The following SGCZ variants were observed in gnomAD, a reference collection of about 807,000 sequenced individuals.
The protein encoded by SGCZ is zeta-sarcoglycan.
SGCZ carries 40 observed loss-of-function variants against 41.3 expected under a neutral mutation model. The observed-to-expected ratio is 0.97, with a 90% confidence interval of 0.75 to 1.26. The LOEUF (loss-of-function observed/expected upper bound fraction) is 1.26, where lower values mean the gene tolerates loss of function less well. Among genes scored for constraint, SGCZ ranks in the 50% most tolerant of loss-of-function variants. The probability of loss-of-function intolerance (pLI) is 0.00; values close to 1 mark genes in which losing one functional copy is unlikely to be tolerated. For synonymous variants in SGCZ, 206 were observed against 137.5 expected, an observed-to-expected ratio of 1.50 and a Z score of -3.49; for missense variants, 552 against 369.8, an observed-to-expected ratio of 1.49 and a Z score of -4.04.
At chr8:14,494,507 A>C (rs73527197) in intron 2 of SGCZ, among the ~76,000 whole-genome samples, 2,626 of 152,274 alleles carry the variant, frequency 0.017, 75 homozygotes, top group African/African-American at 0.06. Context: ...AGCTGAATAC[A>C]TACACACATG....
intron 1 of SGCZ, among the ~76,000 whole-genome samples, chr8:14,651,577 G>A (rs535233022): frequency 7.9e-5 from 12 of 151,912 alleles, no homozygotes; most frequent in South Asian, 4.2e-4. Flanking sequence ...TCTTCACTAC[G>A]CACACTCACT....
chr8:14,691,684 A>G (rs997992519), intron 1 of SGCZ, among the ~76,000 whole-genome samples: 6 of 152,116 alleles, frequency 3.9e-5, no homozygotes, highest in Non-Finnish European at 8.8e-5. Context: ...CATAGATGTA[A>G]GAATATGAGT....
In SGCZ at chr8:14,126,533, G is replaced by A. The variant is rs1016099326; in HGVS notation, c.548-18298C>T. Among the ~76,000 whole-genome samples the A allele has an allele frequency of 5.9e-5, 9 of 152,316 alleles. No individual in the cohort carries two copies. The East Asian group carries it at 1.7e-3, about 29-fold the overall frequency. On this transcript the variant is annotated intron_variant, in intron 5 of 7. Coordinates refer to ENST00000382080, the MANE Select transcript of SGCZ (RefSeq NM_139167.4). The stretch of plus-strand genomic sequence containing the variant: ...GGAGAAATAGGAATACTTTTCCACT[G>A]TTGGGAATGAAAATTAGTGTAACAA...
intron 1 of SGCZ, among the ~76,000 whole-genome samples, chr8:15,120,886 T>C (rs1807453747): frequency 6.6e-6 from 1 of 152,178 alleles, no homozygotes; most frequent in South Asian, 2.1e-4. Flanking sequence ...GTGGTAGCTA[T>C]CAGCCCCGGG....
chr8:14,478,755 C>T (rs374571217), intron 2 of SGCZ, among the ~76,000 whole-genome samples: 10 of 152,264 alleles, frequency 6.6e-5, no homozygotes, highest in East Asian at 3.9e-4. Context: ...TTCCCTGCTC[C>T]ATTCACTATC....
At chr8:14,996,933 G>T (rs1012592943) in intron 1 of SGCZ, among the ~76,000 whole-genome samples, 14 of 152,166 alleles carry the variant, frequency 9.2e-5, no homozygotes, top group Admixed American at 3.3e-4. Context: ...TTATTCGTGG[G>T]TTAATAGAGG....
At chr8:15,083,041 A>G (rs906535763) in intron 1 of SGCZ, among the ~76,000 whole-genome samples, 12 of 152,106 alleles carry the variant, frequency 7.9e-5, no homozygotes, top group Admixed American at 5.2e-4. Context: ...ATGCTCATGT[A>G]TCTATAGCTT....
chr8:14,670,315 C>T (rs1273882987), intron 1 of SGCZ, among the ~76,000 whole-genome samples: 4 of 34,464 alleles, frequency 1.2e-4, no homozygotes, highest in Admixed American at 4.4e-4. Flanking sequence ...TTTACTATTC[C>T]CCCCCAAATC....
At chr8:14,543,598 G>A (rs1340847574) in intron 2 of SGCZ, among the ~76,000 whole-genome samples, 2 of 152,056 alleles carry the variant, frequency 1.3e-5, no homozygotes, top group Non-Finnish European at 2.9e-5. Context: ...AATTTCTCAA[G>A]GCCATCTTTA....
chr8:14,233,291 T>C (rs962011712), intron 4 of SGCZ, among the ~76,000 whole-genome samples: 2 of 151,918 alleles, frequency 1.3e-5, no homozygotes, highest in Non-Finnish European at 2.9e-5. Flanking sequence ...GAAAAAGCAA[T>C]ATATAGCTTA....
intron 4 of SGCZ, among the ~76,000 whole-genome samples, chr8:14,204,165 G>A (rs1411309496): frequency 2.6e-5 from 4 of 152,022 alleles, no homozygotes; most frequent in Non-Finnish European, 5.9e-5. Context: ...CAACAGTGTG[G>A]TTTGGGAAAA....
At chr8:14,581,291 G>A (rs1407067077) in intron 1 of SGCZ, among the ~76,000 whole-genome samples, 1 of 151,982 alleles carries the variant, frequency 6.6e-6, no homozygotes, top group Non-Finnish European at 1.5e-5. Flanking sequence ...TATTTTTATA[G>A]ATACGGGGTT....
chr8:14,256,396 G>A (rs919006871), intron 3 of SGCZ, among the ~76,000 whole-genome samples: 2 of 152,050 alleles, frequency 1.3e-5, no homozygotes, highest in Admixed American at 1.3e-4. Flanking sequence ...AAGATCCCTA[G>A]ATGGAACTTG....
chr8:14,234,420 T>A (rs999612106), intron 4 of SGCZ, among the ~76,000 whole-genome samples: 6 of 152,030 alleles, frequency 3.9e-5, no homozygotes, highest in African/African-American at 1.4e-4. Context: ...ACATATATTT[T>A]TGAGGAAAAA....
intron 2 of SGCZ, among the ~76,000 whole-genome samples, chr8:14,411,708 T>G (rs79579479): frequency 0.013 from 1,965 of 152,230 alleles, 44 homozygotes; most frequent in African/African-American, 0.043. Flanking sequence ...GTGTAAATAC[T>G]ATTATAATAT....
chr8:14,369,488 C>T (rs1385325135), intron 2 of SGCZ, among the ~76,000 whole-genome samples: 2 of 151,910 alleles, frequency 1.3e-5, no homozygotes, highest in Non-Finnish European at 2.9e-5. Flanking sequence ...GGCAGTTTAT[C>T]CCATTAATGA....
intron 4 of SGCZ, among the ~76,000 whole-genome samples, chr8:14,179,996 G>C (rs1303746234): frequency 6.6e-6 from 1 of 152,180 alleles, no homozygotes; most frequent in African/African-American, 2.4e-5. Context: ...TTTTGTATTA[G>C]AAGTCACCAG....
At chr8:14,093,937 T>C (rs761252844) in intron 7 of SGCZ, among the ~76,000 whole-genome samples, 3 of 152,060 alleles carry the variant, frequency 2.0e-5, no homozygotes, top group South Asian at 2.1e-4. Context: ...ATAAGATCCA[T>C]GAGGATAGGG....
At chr8:15,151,528 CT>C (rs1243430459) in intron 1 of SGCZ, among the ~76,000 whole-genome samples, 3 of 152,054 alleles carry the variant, frequency 2.0e-5, no homozygotes, top group African/African-American at 7.2e-5. Context: ...CTAAATAGGA[CT>C]TCTTTAATTT....
Sources: allele counts gnomAD v4.1 joint callset (sites outside exome capture counted in the v4.1 genomes callset), GRCh38; gene constraint gnomAD v4.1.1; transcripts MANE v1.5; gene names NCBI Gene and HGNC (gene_info 2026-07-23, HGNC 2026-07-21).